Variants in NR3C2 observed in about 807,000 individuals in gnomAD.
The protein encoded by NR3C2 is mineralocorticoid receptor.
A neutral mutation model predicts 86.4 loss-of-function variants in NR3C2; 15 were observed. The observed-to-expected ratio is 0.17, with a 90% CI of 0.12 to 0.27. The LOEUF is 0.27. NR3C2 is among the 10% of genes least tolerant of loss of function. The pLI is 1.00. For missense variants in NR3C2, 960 were observed against 1,195.6 expected, an observed-to-expected ratio of 0.80 and a Z score of 2.91; for synonymous variants, 458 against 450.5, an observed-to-expected ratio of 1.02 and a Z score of -0.21.
intron 2 of NR3C2, among the ~76,000 whole-genome samples, chr4:148,292,759 A>C (rs1741857286): frequency 6.6e-6 from 1 of 152,194 alleles, no homozygotes; most frequent in African/African-American, 2.4e-5. Context: ...TACCTGTCAA[A>C]GATCTTTGGA....
chr4:148,237,884 A>C (rs1483674757), intron 3 of NR3C2, among the ~76,000 whole-genome samples: 1 of 152,168 alleles, frequency 6.6e-6, no homozygotes, highest in Non-Finnish European at 1.5e-5. Context: ...TATCAAGATG[A>C]CACCAACTTA....
At chr4:148,274,263 A>C (rs1473489819) in intron 2 of NR3C2, among the ~76,000 whole-genome samples, 1 of 152,246 alleles carries the variant, frequency 6.6e-6, no homozygotes, top group African/African-American at 2.4e-5. Context: ...AATTTATTGA[A>C]GTCTTAGAAA....
At chr4:148,135,304 C>T (rs1383398453) in intron 6 of NR3C2, among the ~76,000 whole-genome samples, 1 of 152,096 alleles carries the variant, frequency 6.6e-6, no homozygotes, top group African/African-American at 2.4e-5. Context: ...AGAGCAGAGC[C>T]CTCATGGATG....
At chr4:148,323,373 C>T (rs1342048987) in intron 2 of NR3C2, among the ~76,000 whole-genome samples, 1 of 149,124 alleles carries the variant, frequency 6.7e-6, no homozygotes, top group African/African-American at 2.5e-5. Flanking sequence ...CCTACAGAAG[C>T]AGGCAGGCCT....
intron 2 of NR3C2, among the ~76,000 whole-genome samples, chr4:148,340,596 C>A (rs1052065780): frequency 2.6e-5 from 4 of 152,124 alleles, no homozygotes; most frequent in African/African-American, 9.6e-5. Flanking sequence ...TTGGGTAAGA[C>A]CTCAAATGAA....
At chr4:148,254,279 T>C (rs756518734) in intron 3 of NR3C2, among the ~76,000 whole-genome samples, 1 of 152,220 alleles carries the variant, frequency 6.6e-6, no homozygotes, top group Non-Finnish European at 1.5e-5. Flanking sequence ...CAGACCTTCC[T>C]TGGAGTCCAG....
At chr4:148,331,097 G>T (rs772895683) in intron 2 of NR3C2, among the ~76,000 whole-genome samples, 2 of 152,062 alleles carry the variant, frequency 1.3e-5, no homozygotes, top group African/African-American at 2.4e-5. Flanking sequence ...GACTAATTCA[G>T]TATATAAAGG....
At chr4:148,288,888 A>G (rs1408557797) in intron 2 of NR3C2, among the ~76,000 whole-genome samples, 1 of 152,148 alleles carries the variant, frequency 6.6e-6, no homozygotes, top group Non-Finnish European at 1.5e-5. Context: ...TCTGGTGGGA[A>G]TAAGTTTAGT....
chr4:148,366,671 C>A (rs983914937), intron 2 of NR3C2, among the ~76,000 whole-genome samples: 46 of 152,070 alleles, frequency 3.0e-4, no homozygotes, highest in African/African-American at 1.1e-3. Context: ...AAAAATAAGA[C>A]CTGTCAAATC....
upstream of NR3C2, chr4:148,445,091 C>CGG: frequency 1.3e-6 from 1 of 767,724 alleles, no homozygotes; most frequent in Non-Finnish European, 1.6e-6. Context: ...GCGCCGGCAG[C>CGG]CGCCCTCCCA....
At chr4:148,275,000 AGGTAGT>A (rs1199173711) in intron 2 of NR3C2, among the ~76,000 whole-genome samples, 2 of 152,038 alleles carry the variant, frequency 1.3e-5, no homozygotes, top group African/African-American at 4.8e-5. Context: ...ACCTGGCCTC[AGGTAGT>A]TCTTTATAAC....
upstream of NR3C2, chr4:148,442,836 C>T: frequency 1.0e-6 from 1 of 985,442 alleles, no homozygotes; most frequent in Non-Finnish European, 1.2e-6. Flanking sequence ...CTTACGTCCA[C>T]CCTGCTCTCC....
At chr4:148,400,820 G>A (rs1748124077) in intron 2 of NR3C2, among the ~76,000 whole-genome samples, 1 of 150,286 alleles carries the variant, frequency 6.7e-6, no homozygotes, top group African/African-American at 2.4e-5. Context: ...GACTGCTTTG[G>A]TGTAGAAATA....
At chr4:148,214,372 T>A (rs997159513) in intron 3 of NR3C2, among the ~76,000 whole-genome samples, 3 of 152,122 alleles carry the variant, frequency 2.0e-5, no homozygotes, top group South Asian at 2.1e-4. Flanking sequence ...GTTTTTTTTT[T>A]TAAAAAGGAA....
At chr4:148,292,166 T>C (rs1328894264) in intron 2 of NR3C2, among the ~76,000 whole-genome samples, 1 of 152,036 alleles carries the variant, frequency 6.6e-6, no homozygotes, top group Non-Finnish European at 1.5e-5. Context: ...ATGTCTTTTT[T>C]TTATGTTTCC....
At chr4:148,347,844 T>A (rs376908710) in intron 2 of NR3C2, among the ~76,000 whole-genome samples, 1 of 152,044 alleles carries the variant, frequency 6.6e-6, no homozygotes, top group African/African-American at 2.4e-5. Flanking sequence ...GTGGTTTATA[T>A]GGCTTACAAT....
intron 4 of NR3C2, among the ~76,000 whole-genome samples, chr4:148,168,916 A>G (rs1358238309): frequency 6.6e-6 from 1 of 151,448 alleles, no homozygotes; most frequent in African/African-American, 2.4e-5. Flanking sequence ...TACCAAAAAT[A>G]TGCCTTCATA....
chr4:148,325,019 T>C (rs947475767), intron 2 of NR3C2, among the ~76,000 whole-genome samples: 12 of 152,190 alleles, frequency 7.9e-5, no homozygotes, highest in African/African-American at 2.7e-4. Context: ...GACTGGATTA[T>C]TCGTATAACC....
intron 2 of NR3C2, among the ~76,000 whole-genome samples, chr4:148,312,804 AGTTAT>A (rs1742968018): frequency 6.6e-6 from 1 of 152,110 alleles, no homozygotes; most frequent in Non-Finnish European, 1.5e-5. Flanking sequence ...CTTGCTTCAG[AGTTAT>A]GTTTAGTTTT....
Sources: gnomAD v4.1 joint callset for allele counts (sites outside exome capture counted in the v4.1 genomes callset) on GRCh38, gnomAD v4.1.1 for gene constraint, MANE v1.5 for transcripts, NCBI Gene and HGNC (gene_info 2026-07-23, HGNC 2026-07-21) for gene names.